The following MED12L variants were observed in gnomAD, a reference collection of about 807,000 sequenced individuals.
MED12L encodes the protein mediator of RNA polymerase II transcription subunit 12-like protein.
A neutral mutation model predicts 281.3 loss-of-function variants in MED12L; 60 were observed. The observed-to-expected ratio is 0.21, with a 90% CI of 0.17 to 0.26. MED12L has a LOEUF of 0.26. Among genes scored for constraint, MED12L ranks in the 10% least tolerant of loss-of-function variants. The pLI, the probability that MED12L is intolerant of heterozygous loss-of-function variation, is 1.00. For synonymous variants in MED12L, 974 were observed against 987.2 expected, an observed-to-expected ratio of 0.99 and a Z score of 0.25; for missense variants, 2,146 against 2,680.9, an observed-to-expected ratio of 0.80 and a Z score of 4.41.
chr3:151,137,585 G>T (rs1015086189), intron 5 of MED12L, among the ~76,000 whole-genome samples: 1 of 152,146 alleles, frequency 6.6e-6, no homozygotes, highest in African/African-American at 2.4e-5. Context: ...GCATGTGTGT[G>T]CATGTATGTG....
At chr3:151,213,359 G>C (rs1727508349) in intron 16 of MED12L, 14 of 1,613,806 alleles carry the variant, frequency 8.7e-6, no homozygotes, top group Non-Finnish European at 1.2e-5. Flanking sequence ...GAAATGTCTA[G>C]GTCATTCTGA....
At chr3:151,259,788 A>C (rs1738516764) in intron 16 of MED12L, among the ~76,000 whole-genome samples, 1 of 152,222 alleles carries the variant, frequency 6.6e-6, no homozygotes, top group Admixed American at 6.5e-5. Context: ...AAAAGTTTAG[A>C]GTCCTGGTTT....
At chr3:151,309,767 A>G (rs1440993053) in intron 16 of MED12L, among the ~76,000 whole-genome samples, 1 of 152,238 alleles carries the variant, frequency 6.6e-6, no homozygotes, top group Non-Finnish European at 1.5e-5. Flanking sequence ...AGGGTCTAGC[A>G]GAGTACCTGC....
At chr3:151,206,296 T>C (rs1268666616) in intron 16 of MED12L, among the ~76,000 whole-genome samples, 5 of 152,014 alleles carry the variant, frequency 3.3e-5, no homozygotes, top group Non-Finnish European at 7.4e-5. Context: ...GGAGAATACA[T>C]GTTTGGAAAT....
chr3:151,273,665 A>G (rs749061602), intron 16 of MED12L, among the ~76,000 whole-genome samples: 3 of 152,120 alleles, frequency 2.0e-5, no homozygotes, highest in Non-Finnish European at 4.4e-5. Context: ...GTTGTATTAG[A>G]ATAAGTGGTG....
chr3:151,227,277 C>T (rs1577034681), intron 16 of MED12L, among the ~76,000 whole-genome samples: 1 of 152,204 alleles, frequency 6.6e-6, no homozygotes, highest in Non-Finnish European at 1.5e-5. Flanking sequence ...AGAACTTCCT[C>T]CTCCACCAAA....
intron 16 of MED12L, among the ~76,000 whole-genome samples, chr3:151,300,843 TAA>T (rs1177913440): frequency 6.6e-6 from 1 of 152,190 alleles, no homozygotes; most frequent in Non-Finnish European, 1.5e-5. Flanking sequence ...GGAGTATGTG[TAA>T]GAGTTTGCAG....
intron 31 of MED12L, 72 bp downstream of exon 31, chr3:151,378,245 T>C: frequency 7.0e-7 from 1 of 1,421,980 alleles, no homozygotes; most frequent in Non-Finnish European, 9.4e-7. Context: ...CCTGTAAACC[T>C]GTGTGGTCAC....
At chr3:151,164,291 A>G (rs1720401472) in intron 9 of MED12L, among the ~76,000 whole-genome samples, 1 of 152,206 alleles carries the variant, frequency 6.6e-6, no homozygotes. Context: ...CCAGACTGTA[A>G]TTATGGTGGT....
chr3:151,297,083 A>C (rs968542509), intron 16 of MED12L, among the ~76,000 whole-genome samples: 15 of 152,140 alleles, frequency 9.9e-5, no homozygotes, highest in African/African-American at 3.6e-4. Flanking sequence ...TGACCTAACT[A>C]TCCTTACACA....
At chr3:151,182,292 A>G (rs963001060) in intron 11 of MED12L, among the ~76,000 whole-genome samples, 10 of 148,386 alleles carry the variant, frequency 6.7e-5, no homozygotes, top group African/African-American at 2.6e-4. Context: ...CTAAATTAGA[A>G]TGAGTTTTTT....
intron 5 of MED12L, among the ~76,000 whole-genome samples, chr3:151,136,491 C>T (rs1468211476): frequency 1.3e-5 from 2 of 152,220 alleles, no homozygotes; most frequent in Admixed American, 6.5e-5. Context: ...TTTAAATTCA[C>T]ACTTTGCTTA....
intron 16 of MED12L, among the ~76,000 whole-genome samples, chr3:151,218,668 A>G (rs926552924): frequency 6.6e-6 from 1 of 151,972 alleles, no homozygotes; most frequent in Non-Finnish European, 1.5e-5. Context: ...GGAGATTGAG[A>G]CCAGCCTGGC....
chr3:151,421,496 C>G (rs921674438), intron 43 of MED12L, among the ~76,000 whole-genome samples: 9 of 152,062 alleles, frequency 5.9e-5, no homozygotes, highest in Non-Finnish European at 8.8e-5. Flanking sequence ...CTGCAACCTG[C>G]ACCTCCCGAG....
chr3:151,104,333 T>C (rs1721748169), intron 2 of MED12L, among the ~76,000 whole-genome samples: 1 of 152,234 alleles, frequency 6.6e-6, no homozygotes, highest in African/African-American at 2.4e-5. Context: ...CTGGTATTAA[T>C]GCTTTCTCTT....
At chr3:151,169,696 GTGA>G in intron 11 of MED12L, among the ~76,000 whole-genome samples, 1 of 152,308 alleles carries the variant, frequency 6.6e-6, no homozygotes, top group Non-Finnish European at 1.5e-5. Context: ...AAGAACTAAT[GTGA>G]TGATGCTGTT....
At chr3:151,124,731 T>C (rs568507500) in intron 4 of MED12L, among the ~76,000 whole-genome samples, 6 of 152,334 alleles carry the variant, frequency 3.9e-5, no homozygotes, top group African/African-American at 1.4e-4. Context: ...ACTGTGAAGC[T>C]TCACAGCGCG....
rs1456968456 is a variant in MED12L at position 151,394,859 on chromosome 3, T to C, written c.5812T>C (p.Phe1938Leu). The change falls in exon 39 of 45, where the codon TTC becomes CTC. Residue 1938 changes from phenylalanine to leucine, a missense_variant. Coordinates refer to ENST00000687756, the MANE Select transcript of MED12L (RefSeq NM_001393769.1). Reference protein sequence around the residue: ...RLLRQAQTRPFQQGQPGDQAA... With the variant: ...RLLRQAQTRPLQQGQPGDQAA... ...TCTCAGGCAAGCCCAGACTCGGCCT[T>C]TCCAACAGGTTTGTCCAGACCCCAG... 1.2e-6 allele frequency: 2 copies of C among 1,613,962 alleles called. No homozygotes were observed. Among genetic ancestry groups the C allele is most frequent in the Non-Finnish European group, 8.5e-7 (1 of 1,180,024 alleles).
Position 151,368,724 on chromosome 3 carries a change from C to T in MED12L, c.3550+473C>T, listed in dbSNP as rs1324055951. Among the ~76,000 whole-genome samples the T allele has an allele frequency of 1.1e-3, 75 of 69,068 alleles. 1 individual carries two copies. Among genetic ancestry groups the T allele is most frequent in the African/African-American group, 3.5e-3 (71 of 20,176 alleles). The allele number at this position is 69,068 out of a possible 152,430, so 45.3% of individuals were successfully genotyped here. A position where few individuals can be genotyped will look rare whatever the true frequency, so the allele number is the denominator to read the frequency against. On this transcript the variant is annotated intron_variant, in intron 25 of 44. Transcript: ENST00000687756. The stretch of plus-strand genomic sequence containing the variant: ...CATTTCATTTCATTTCATTTCATTT[C>T]ATTTCATTTCATTTCATTTCATTTC...
Sources: gnomAD v4.1 joint callset for allele counts (sites outside exome capture counted in the v4.1 genomes callset) on GRCh38, gnomAD v4.1.1 for gene constraint, MANE v1.5 for transcripts, NCBI Gene and HGNC (gene_info 2026-07-23, HGNC 2026-07-21) for gene names.